The following ROS1 variants were observed in gnomAD, a reference collection of about 807,000 sequenced individuals.
ROS1 encodes proto-oncogene tyrosine-protein kinase ROS.
ROS1 carries 263 observed loss-of-function variants against 273.5 expected under a neutral mutation model. The ratio of observed to expected loss-of-function variants is 0.96; its 90% CI spans 0.87 to 1.06. ROS1 has a LOEUF of 1.06. Among genes scored for constraint, ROS1 ranks in the 50% least tolerant of loss-of-function variants. The pLI is 0.00. For missense variants in ROS1, 2,833 were observed against 2,751.1 expected (o/e 1.03, Z -0.67); for synonymous variants, 1,008 against 954.1 (o/e 1.06, Z -1.04).
rs766182121 is a variant in ROS1, at chr6:117,425,516, T to C, written c.123+18A>G. 6.4e-6 allele frequency: 10 copies of C among 1,572,402 alleles called. No homozygotes were observed. In the East Asian group the frequency reaches 1.9e-4, roughly 29 times the overall value. The stretch of plus-strand genomic sequence containing the variant: ...GTTCTAGTTCCTGCAAAGACAAATA[T>C]TAGATTGTGAGACTTACCAGATTAG... On this transcript the variant is annotated intron_variant, in intron 1 of 43. Coordinates refer to ENST00000368507, the MANE Select transcript of ROS1 (RefSeq NM_001378902.1).
intron 22 of ROS1, 42 bp downstream of exon 22, chr6:117,362,561 C>T: frequency 8.3e-6 from 13 of 1,569,254 alleles, no homozygotes; most frequent in Non-Finnish European, 9.5e-6. Flanking sequence ...CCCCACAATG[C>T]CGCTATTAAG....
chr6:117,318,423 G>C (rs1372659486), intron 37 of ROS1, among the ~76,000 whole-genome samples, 171 bp from the exon 38 acceptor site: 1 of 152,118 alleles, frequency 6.6e-6, no homozygotes, highest in Admixed American at 6.6e-5. Context: ...GTTACCTCCT[G>C]TTATTGCTAG....
In ROS1 at chr6:117,301,131, A is replaced by C. The variant is rs2128537287; in HGVS notation, c.6558T>G (p.Asn2186Lys). The change falls in exon 43 of 44, where the codon AAT becomes AAG. Residue 2186 changes from asparagine (N) to lysine (K), a missense_variant. Coordinates refer to ENST00000368507, the MANE Select transcript of ROS1 (RefSeq NM_001378902.1). ...PPRNCPDDLW[N>K]LMTQCWAQEP... Reference sequence around the variant, plus strand: ...CTTGAGCCCAGCACTGGGTCATTAAATTCCACCTAAATATATGGGGAAAGA... The same window carrying C: ...CTTGAGCCCAGCACTGGGTCATTAACTTCCACCTAAATATATGGGGAAAGA... 6.3e-7 allele frequency: 1 copy of C among 1,584,848 alleles called. No homozygotes were observed. The highest frequency in any genetic ancestry group is 2.3e-5 in the East Asian group (1 of 43,882).
chr6:117,303,857 G>T (rs1774917406), intron 42 of ROS1, among the ~76,000 whole-genome samples: 1 of 152,094 alleles, frequency 6.6e-6, no homozygotes, highest in East Asian at 1.9e-4. Flanking sequence ...GGTAACGATG[G>T]CCCAGAAATC....
chr6:117,365,941 A>G (rs1243461142), intron 19 of ROS1, 135 bp downstream of exon 19: 2 of 875,286 alleles, frequency 2.3e-6, no homozygotes, highest in African/African-American at 1.7e-5. Context: ...AACTCACTGC[A>G]AGCAAACCAA....
chr6:117,324,437 A>G (rs2128575266), intron 34 of ROS1, 22 bp from the exon 35 acceptor site: 1 of 1,154,748 alleles, frequency 8.7e-7, no homozygotes, highest in East Asian at 2.4e-5. Context: ...AATCAGAAAA[A>G]GAAATTAATT....
chr6:117,383,455 C>T lies in ROS1; in HGVS notation c.2343G>A (p.Lys781=), dbSNP rs1772317841. ...CCACCACCATGTCATTCACCAATAG[C>T]TTCACGTGGGTAACAATGTCTGTGT... ...TGHTDIVTHV[K]LLVNDMVVDS... is the part of the protein sequence containing the mutation. Residue 781 remains lysine (K), a synonymous_variant, in exon 17 of 44, where the codon AAG becomes AAA. Coordinates refer to ENST00000368507, the MANE Select transcript of ROS1 (RefSeq NM_001378902.1). 6.2e-7 allele frequency: 1 copy of T among 1,614,094 alleles called. No individual in the cohort carries two copies. Among genetic ancestry groups the T allele is most frequent in the South Asian group, 1.1e-5 (1 of 91,084 alleles).
At chr6:117,316,973 T>C (rs1775966314) in intron 39 of ROS1, among the ~76,000 whole-genome samples, 170 bp downstream of exon 39, 3 of 152,138 alleles carry the variant, frequency 2.0e-5, no homozygotes, top group African/African-American at 7.2e-5. Context: ...GCCAGAATGT[T>C]AGCCCAGGGT....
intron 42 of ROS1, among the ~76,000 whole-genome samples, chr6:117,308,033 C>T (rs1582571521): frequency 6.6e-6 from 1 of 152,106 alleles, no homozygotes; most frequent in Non-Finnish European, 1.5e-5. Context: ...CCTTGGCATG[C>T]TATGGTGCAC....
intron 31 of ROS1, among the ~76,000 whole-genome samples, chr6:117,338,383 A>G (rs549124996): frequency 2.6e-4 from 39 of 152,164 alleles, no homozygotes; most frequent in African/African-American, 9.4e-4. Context: ...GAAAACTTAA[A>G]AAAATAGAAC....
intron 18 of ROS1, among the ~76,000 whole-genome samples, chr6:117,374,847 T>A (rs1323794472): frequency 2.6e-5 from 4 of 152,248 alleles, no homozygotes; most frequent in Admixed American, 2.6e-4. Flanking sequence ...CTTACACTGC[T>A]GATGGGAATG....
At chr6:117,389,914 A>C in intron 12 of ROS1, 68 bp from the exon 13 acceptor site, 1 of 1,365,012 alleles carries the variant, frequency 7.3e-7, no homozygotes, top group Non-Finnish European at 1.0e-6. Context: ...TCCTCAGCTA[A>C]TTGCTTCATT....
At chr6:117,291,236 T>C (rs1773816625) in intron 43 of ROS1, among the ~76,000 whole-genome samples, 1 of 152,198 alleles carries the variant, frequency 6.6e-6, no homozygotes, top group South Asian at 2.1e-4. Flanking sequence ...GGCCCAGAAA[T>C]GCTTGTTTCT....
rs1773046758 is a variant in ROS1 at position 117,391,304 on chromosome 6, G to A, written c.1290-1458C>T. Among the ~76,000 whole-genome samples, 3 of 152,250 alleles carry A rather than the reference G, an allele frequency of 2.0e-5. No individual in the cohort carries two copies. In the South Asian group the frequency reaches 6.2e-4, roughly 32 times the overall value. On this transcript the variant is annotated intron_variant, in intron 12 of 43. Coordinates refer to ENST00000368507, the MANE Select transcript of ROS1 (RefSeq NM_001378902.1). ...AATTCAAAATTGTTAATGGAATTTG[G>A]AGGAATTTCAGAGTAGATAAAAGGA...
chr6:117,385,353 G>A (rs548449522), intron 16 of ROS1, among the ~76,000 whole-genome samples: 103 of 152,178 alleles, frequency 6.8e-4, no homozygotes, highest in African/African-American at 2.3e-3. Context: ...TCAGGAGTTC[G>A]AGACCAGCCT....
intron 11 of ROS1, 129 bp downstream of exon 11, chr6:117,394,033 A>G: frequency 1.9e-6 from 1 of 530,244 alleles, no homozygotes; most frequent in African/African-American, 2.0e-5. Flanking sequence ...TTGATAACCT[A>G]GTATCTAAGG....
intron 22 of ROS1, among the ~76,000 whole-genome samples, chr6:117,362,023 T>C (rs201547186): frequency 1.3e-5 from 2 of 152,250 alleles, no homozygotes; most frequent in East Asian, 3.9e-4. Context: ...CCCAAATGTA[T>C]GTACAACTAT....
chr6:117,368,481 T>A (rs1266810976), intron 18 of ROS1, among the ~76,000 whole-genome samples: 1 of 152,190 alleles, frequency 6.6e-6, no homozygotes, highest in Non-Finnish European at 1.5e-5. Context: ...AAGTTCGGAA[T>A]ATGATGAGTG....
At chr6:117,368,854 G>C (rs1223622547) in intron 18 of ROS1, among the ~76,000 whole-genome samples, 1 of 151,822 alleles carries the variant, frequency 6.6e-6, no homozygotes, top group African/African-American at 2.4e-5. Flanking sequence ...GAACGTCCAA[G>C]AATTAATGTG....
Sources: gnomAD v4.1 joint callset for allele counts (sites outside exome capture counted in the v4.1 genomes callset) on GRCh38, gnomAD v4.1.1 for gene constraint, MANE v1.5 for transcripts, NCBI Gene and HGNC (gene_info 2026-07-23, HGNC 2026-07-21) for gene names.